Variants in UBE2R2 observed in about 807,000 individuals in gnomAD.
UBE2R2 encodes the protein ubiquitin conjugating enzyme E2 R2.
UBE2R2 carries 1 observed loss-of-function variant against 27.8 expected under a neutral mutation model. That is an observed-to-expected ratio of 0.04 (90% CI 0.01 to 0.17). UBE2R2 has a LOEUF of 0.17. Among genes scored for constraint, UBE2R2 ranks in the 10% least tolerant of loss-of-function variants. The pLI is 1.00. For missense variants in UBE2R2, 100 were observed against 291.0 expected (o/e 0.34, Z 4.78); for synonymous variants, 106 against 113.3 (o/e 0.94, Z 0.41).
chr9:33,907,836 G>GT (rs10971780), intron 3 of UBE2R2, among the ~76,000 whole-genome samples: 40,130 of 151,132 alleles, frequency 0.27, 5,492 homozygotes, highest in South Asian at 0.41. Flanking sequence ...TTTTGTTGTT[G>GT]TTTTTTTTTA....
intron 1 of UBE2R2, among the ~76,000 whole-genome samples, chr9:33,837,420 CTTT>C (rs374681097): frequency 4.7e-5 from 6 of 126,608 alleles, no homozygotes; most frequent in Admixed American, 1.7e-4. Context: ...GCTGCTGCTT[CTTT>C]TTTTTTTTTT....
At chr9:33,892,145 A>C (rs757091100) in intron 2 of UBE2R2, among the ~76,000 whole-genome samples, 1 of 152,000 alleles carries the variant, frequency 6.6e-6, no homozygotes. Context: ...TGCTTTGCGA[A>C]TTTGTCATCA....
chr9:33,830,950 T>C (rs146362301), intron 1 of UBE2R2: 1 of 151,832 alleles, frequency 6.6e-6, no homozygotes, highest in Non-Finnish European at 1.5e-5. Flanking sequence ...GTTCCATTTA[T>C]AAGATAATAT....
At chr9:33,913,126 A>T (rs963956064) in intron 4 of UBE2R2, among the ~76,000 whole-genome samples, 1 of 151,080 alleles carries the variant, frequency 6.6e-6, no homozygotes, top group African/African-American at 2.4e-5. Context: ...ATGCCCAGCT[A>T]ATTTTTGGAT....
chr9:33,902,514 A>G (rs1822265792), intron 3 of UBE2R2, among the ~76,000 whole-genome samples: 1 of 152,172 alleles, frequency 6.6e-6, no homozygotes, highest in Non-Finnish European at 1.5e-5. Context: ...TGAAGCAGTC[A>G]TTTGCTATCT....
At chr9:33,832,007 A>G (rs1380018753) in intron 1 of UBE2R2, among the ~76,000 whole-genome samples, 1 of 151,822 alleles carries the variant, frequency 6.6e-6, no homozygotes, top group South Asian at 2.1e-4. Flanking sequence ...CAACGATAGC[A>G]ATCACTAATA....
At chr9:33,899,445 G>C (rs1447126053) in intron 2 of UBE2R2, among the ~76,000 whole-genome samples, 1 of 151,762 alleles carries the variant, frequency 6.6e-6, no homozygotes, top group Non-Finnish European at 1.5e-5. Flanking sequence ...CGCGATCTTG[G>C]CTCCCTGCAA....
intron 2 of UBE2R2, among the ~76,000 whole-genome samples, chr9:33,896,379 C>T (rs1403901631): frequency 6.6e-6 from 1 of 151,904 alleles, no homozygotes; most frequent in Non-Finnish European, 1.5e-5. Flanking sequence ...AGCTCCCGAT[C>T]TTAGGAGTAA....
intron 1 of UBE2R2, among the ~76,000 whole-genome samples, chr9:33,829,923 G>A (rs532038433): frequency 2.0e-5 from 3 of 149,396 alleles, no homozygotes; most frequent in South Asian, 2.2e-4. Flanking sequence ...TCAGCCTCCC[G>A]AGTAGCAAGG....
At chr9:33,815,294 A>G (rs531777803), upstream of UBE2R2, among the ~76,000 whole-genome samples, 1 of 152,348 alleles carries the variant, frequency 6.6e-6, no homozygotes, top group African/African-American at 2.4e-5. Context: ...AGTAGGTAAA[A>G]ATTAGGGAAG....
At chr9:33,877,815 G>GTCTCTCTCTCTCTCTCTCTCTC (rs1439369271) in intron 1 of UBE2R2, among the ~76,000 whole-genome samples, 2 of 95,760 alleles carry the variant, frequency 2.1e-5, no homozygotes, top group South Asian at 4.2e-4. Context: ...CTGTCTGTCT[G>GTCTCTCTCTCTCTCTCTCTCTC]TCTGTCTGTC....
At chr9:33,904,747 T>A (rs1822316162) in intron 3 of UBE2R2, among the ~76,000 whole-genome samples, 1 of 152,194 alleles carries the variant, frequency 6.6e-6, no homozygotes, top group South Asian at 2.1e-4. Flanking sequence ...AAAACCAGCA[T>A]ACTTCTTTTG....
At chr9:33,889,058 C>T (rs1336827983) in intron 2 of UBE2R2, among the ~76,000 whole-genome samples, 1 of 152,048 alleles carries the variant, frequency 6.6e-6, no homozygotes, top group African/African-American at 2.4e-5. Flanking sequence ...TATAAATAAA[C>T]AATAGTGACT....
chr9:33,863,461 G>A (rs1480290283), intron 1 of UBE2R2, among the ~76,000 whole-genome samples: 4 of 151,512 alleles, frequency 2.6e-5, no homozygotes, highest in Non-Finnish European at 4.4e-5. Context: ...GCAGTGAGCC[G>A]AGATCAAGAT....
chr9:33,890,334 C>T (rs1821951659), intron 2 of UBE2R2, among the ~76,000 whole-genome samples: 1 of 152,160 alleles, frequency 6.6e-6, no homozygotes, highest in Non-Finnish European at 1.5e-5. Context: ...CCTATAATCC[C>T]AGCACTTTGG....
chr9:33,892,755 A>T (rs967317619), intron 2 of UBE2R2, among the ~76,000 whole-genome samples: 1 of 152,202 alleles, frequency 6.6e-6, no homozygotes, highest in Non-Finnish European at 1.5e-5. Flanking sequence ...AAGTATTGAC[A>T]TGCCCAAATT....
At chr9:33,907,815 TTTTTG>T (rs1043194442) in intron 3 of UBE2R2, among the ~76,000 whole-genome samples, 13 of 148,922 alleles carry the variant, frequency 8.7e-5, no homozygotes, top group East Asian at 1.9e-4. Context: ...TTGAAATAGT[TTTTTG>T]TTTTGTTTTG....
At chr9:33,834,825 C>T (rs150313696) in intron 1 of UBE2R2, among the ~76,000 whole-genome samples, 1,949 of 151,546 alleles carry the variant, frequency 0.013, 23 homozygotes, top group Non-Finnish European at 0.02. Flanking sequence ...CAGGAGAATC[C>T]CTTGTTCCCG....
intron 1 of UBE2R2, among the ~76,000 whole-genome samples, chr9:33,840,463 C>T (rs1820707401): frequency 6.6e-6 from 1 of 151,954 alleles, no homozygotes; most frequent in African/African-American, 2.4e-5. Flanking sequence ...GAGAGTTAAC[C>T]AAAGTTTGAA....
Sources: allele counts gnomAD v4.1 joint callset (sites outside exome capture counted in the v4.1 genomes callset), GRCh38; gene constraint gnomAD v4.1.1; transcripts MANE v1.5; gene names NCBI Gene and HGNC (gene_info 2026-07-23, HGNC 2026-07-21).